ATP6V0A1: variants seen among roughly 807,000 people sequenced by gnomAD.
The protein encoded by ATP6V0A1 is V-type proton ATPase 116 kDa subunit a 1.
In ATP6V0A1, 43 loss-of-function variants were observed where a neutral mutation model predicts 105.4. The ratio of observed to expected loss-of-function variants is 0.41; its 90% CI spans 0.32 to 0.53. The LOEUF (loss-of-function observed/expected upper bound fraction) is 0.53, where lower values mean the gene tolerates loss of function less well. Ranked by LOEUF, ATP6V0A1 falls within the 20% of genes least tolerant of loss-of-function variation. The pLI, the probability that ATP6V0A1 is intolerant of heterozygous loss-of-function variation, is 0.30. For missense variants in ATP6V0A1, 676 were observed against 1,051.1 expected (o/e 0.64, Z 4.93); for synonymous variants, 362 against 372.8 (o/e 0.97, Z 0.33).
chr17:42,500,977 C>G, intron 16 of ATP6V0A1, 54 bp downstream of exon 16: 1 of 1,553,760 alleles, frequency 6.4e-7, no homozygotes, highest in Non-Finnish European at 8.9e-7. Flanking sequence ...ATCAGGAAGC[C>G]AGATGTTTCT....
At chr17:42,471,974 C>T (rs1274695660) in intron 5 of ATP6V0A1, among the ~76,000 whole-genome samples, 1 of 151,520 alleles carries the variant, frequency 6.6e-6, no homozygotes, top group Non-Finnish European at 1.5e-5. Context: ...AGTCACTGTT[C>T]AATGTGCCTT....
chr17:42,506,024 G>A (rs780393801), intron 17 of ATP6V0A1, among the ~76,000 whole-genome samples: 1 of 152,052 alleles, frequency 6.6e-6, no homozygotes, highest in Non-Finnish European at 1.5e-5. Context: ...TTGACCTCAG[G>A]TGATCTGCCT....
At chr17:42,486,919 A>G (rs530835251) in intron 9 of ATP6V0A1, among the ~76,000 whole-genome samples, 83 of 152,328 alleles carry the variant, frequency 5.4e-4, no homozygotes, top group African/African-American at 1.9e-3. Context: ...CATATATAGA[A>G]AAGCTAAACT....
rs888299715 is a variant in ATP6V0A1 at position 42,466,658 on chromosome 17, G to A, written c.196+151G>A. 6.1e-6 allele frequency: 4 copies of A among 652,286 alleles called. No individual in the cohort carries two copies. The Admixed American group carries it at 8.6e-5, about 14-fold the overall frequency. 40.4% of individuals were successfully genotyped at this position (652,286 alleles called of 1,614,324 possible). On this transcript the variant is annotated intron_variant, in intron 3 of 21. Coordinates refer to ENST00000343619, the MANE Select transcript of ATP6V0A1 (RefSeq NM_001130021.3). ...ATGCCAAGGTGTATTTCTCGTATAC[G>A]AGTAGATTTTGTGGTCTTTGGGCTA...
intron 18 of ATP6V0A1, 53 bp from the exon 19 acceptor site, chr17:42,508,519 G>T: frequency 1.2e-6 from 2 of 1,610,834 alleles, no homozygotes; most frequent in Non-Finnish European, 1.7e-6. Context: ...CTCCTAACTT[G>T]TGACCTTGTG....
intron 21 of ATP6V0A1, among the ~76,000 whole-genome samples, chr17:42,515,151 G>A (rs1309719886): frequency 6.6e-6 from 1 of 152,120 alleles, no homozygotes; most frequent in African/African-American, 2.4e-5. Flanking sequence ...CCTCAAACCA[G>A]CGTTGCCAGA....
chr17:42,472,843 A>C (rs1382325309), intron 5 of ATP6V0A1, among the ~76,000 whole-genome samples: 1 of 152,188 alleles, frequency 6.6e-6, no homozygotes, highest in Non-Finnish European at 1.5e-5. Flanking sequence ...CAGCAGACTC[A>C]CCTGTAATCT....
chr17:42,507,686 G>C (rs769368248), intron 18 of ATP6V0A1, 59 bp downstream of exon 18: 9 of 1,340,238 alleles, frequency 6.7e-6, no homozygotes, highest in Non-Finnish European at 9.7e-6. Context: ...CTAGTCTTGT[G>C]TACCTAAGAG....
intron 4 of ATP6V0A1, 93 bp from the exon 5 acceptor site, chr17:42,469,997 G>A (rs577813494): frequency 4.1e-5 from 51 of 1,258,258 alleles, no homozygotes; most frequent in South Asian, 3.3e-4. Context: ...TTGAACTATC[G>A]GCTTGGCAAC....
intron 8 of ATP6V0A1, among the ~76,000 whole-genome samples, chr17:42,482,332 A>G (rs928249221): frequency 6.6e-6 from 1 of 151,794 alleles, no homozygotes; most frequent in Non-Finnish European, 1.5e-5. Flanking sequence ...TTTTTTGTGG[A>G]GATGAGGTTT....
chr17:42,484,050 T>C (rs939609652), intron 9 of ATP6V0A1, among the ~76,000 whole-genome samples: 2 of 151,340 alleles, frequency 1.3e-5, no homozygotes, highest in Non-Finnish European at 1.5e-5. Flanking sequence ...TTTTTTGTTT[T>C]TTGTTTTGTT....
Position 42,492,733 on chromosome 17 carries a change from C to T in ATP6V0A1, c.1175-1601C>T, listed in dbSNP as rs535824378. On this transcript the variant is annotated intron_variant, in intron 11 of 21. Coordinates refer to ENST00000343619, the MANE Select transcript of ATP6V0A1 (RefSeq NM_001130021.3). ...AAAAAAAAAAAAAAAAAAAGTTCATCGGCTGGGCGTGGTGGTTCATGCCTG... is the reference window on the plus strand; with the variant it reads ...AAAAAAAAAAAAAAAAAAAGTTCATTGGCTGGGCGTGGTGGTTCATGCCTG... Among the ~76,000 whole-genome samples the T allele has an allele frequency of 3.1e-3, 436 of 141,024 alleles. 4 individuals are homozygous for T. The highest frequency in any genetic ancestry group is 0.01 in the African/African-American group (384 of 37,946). The allele number at this position is 141,024 out of a possible 152,430, so 92.5% of individuals were successfully genotyped here. A position where few individuals can be genotyped will look rare whatever the true frequency, so the allele number is the denominator to read the frequency against.
chr17:42,498,861 G>C, intron 14 of ATP6V0A1, 63 bp from the exon 15 acceptor site: 1 of 1,140,912 alleles, frequency 8.8e-7, no homozygotes, highest in South Asian at 1.3e-5. Flanking sequence ...TTTTTAAACA[G>C]AGGAATATTT....
intron 19 of ATP6V0A1, among the ~76,000 whole-genome samples, chr17:42,512,334 G>A (rs2092382711): frequency 6.6e-6 from 1 of 152,194 alleles, no homozygotes; most frequent in Admixed American, 6.5e-5. Flanking sequence ...TAAAAACACT[G>A]AAGGGATTGG....
chr17:42,468,378 G>A (rs1475922270), intron 4 of ATP6V0A1, among the ~76,000 whole-genome samples: 1 of 152,078 alleles, frequency 6.6e-6, no homozygotes, highest in Admixed American at 6.6e-5. Flanking sequence ...TCTATGTGTT[G>A]GGAACATTTC....
chr17:42,494,771 G>T, intron 12 of ATP6V0A1: 1 of 480,568 alleles, frequency 2.1e-6, no homozygotes, highest in Non-Finnish European at 3.6e-6. Flanking sequence ...TAGGTTTGGT[G>T]CAAAAGTTAT....
chr17:42,486,594 T>G (rs2090135984), intron 9 of ATP6V0A1, among the ~76,000 whole-genome samples: 1 of 152,156 alleles, frequency 6.6e-6, no homozygotes. Context: ...ACACCTTAGC[T>G]GCCCTCATGA....
intron 17 of ATP6V0A1, among the ~76,000 whole-genome samples, chr17:42,503,415 A>G (rs922236734): frequency 6.6e-6 from 1 of 152,194 alleles, no homozygotes; most frequent in Non-Finnish European, 1.5e-5. Context: ...CAGCTGTTCC[A>G]GTGAGACCTC....
intron 14 of ATP6V0A1, among the ~76,000 whole-genome samples, chr17:42,497,651 C>G (rs1402508038): frequency 2.1e-5 from 3 of 144,172 alleles, no homozygotes; most frequent in African/African-American, 7.7e-5. Context: ...CCAGCCTGGG[C>G]GACAGAGTAA....
Sources: allele counts gnomAD v4.1 joint callset (sites outside exome capture counted in the v4.1 genomes callset), GRCh38; gene constraint gnomAD v4.1.1; transcripts MANE v1.5; gene names NCBI Gene and HGNC (gene_info 2026-07-23, HGNC 2026-07-21).